The following ZNF562 variants were observed in gnomAD, a reference collection of about 807,000 sequenced individuals.
ZNF562 encodes the protein zinc finger protein 562.
In ZNF562, 13 loss-of-function variants were observed where a neutral mutation model predicts 17.5. That is an observed-to-expected ratio of 0.74 (90% CI 0.48 to 1.18). The LOEUF is 1.18. Ranked by LOEUF, ZNF562 falls within the 50% of genes most tolerant of loss-of-function variation. The pLI is 0.00. For synonymous variants in ZNF562, 163 were observed against 165.4 expected (o/e 0.99, Z 0.11); for missense variants, 481 against 498.5 (o/e 0.96, Z 0.33).
intron 1 of ZNF562, among the ~76,000 whole-genome samples, chr19:9,673,601 CTTT>C (rs2044284693): frequency 6.6e-6 from 1 of 151,862 alleles, no homozygotes; most frequent in African/African-American, 2.4e-5. Flanking sequence ...TCTGGCCTGG[CTTT>C]AAGTAGAAAG....
chr19:9,660,352 C>T (rs2043689862), intron 2 of ZNF562, among the ~76,000 whole-genome samples: 1 of 152,058 alleles, frequency 6.6e-6, no homozygotes, highest in African/African-American at 2.4e-5. Context: ...AGCAGCCAGG[C>T]ACGGTGGCTC....
intron 1 of ZNF562, among the ~76,000 whole-genome samples, chr19:9,672,213 A>T (rs2044221718): frequency 6.6e-6 from 1 of 152,234 alleles, no homozygotes; most frequent in Non-Finnish European, 1.5e-5. Flanking sequence ...CTTAGATCCA[A>T]AAACACCCAA....
At chr19:9,673,926 T>G (rs1439718048) in intron 1 of ZNF562, among the ~76,000 whole-genome samples, 1 of 152,050 alleles carries the variant, frequency 6.6e-6, no homozygotes, top group Non-Finnish European at 1.5e-5. Context: ...TGAATCATGT[T>G]ATAAAGTTTT....
At chr19:9,668,904 A>T (rs1027011308) in intron 1 of ZNF562, among the ~76,000 whole-genome samples, 7 of 152,186 alleles carry the variant, frequency 4.6e-5, no homozygotes, top group African/African-American at 1.7e-4. Context: ...TGCTGGGAAA[A>T]CTGGATAACC....
chr19:9,656,269 G>A (rs550413251), intron 5 of ZNF562, among the ~76,000 whole-genome samples: 2 of 152,276 alleles, frequency 1.3e-5, no homozygotes, highest in African/African-American at 4.8e-5. Flanking sequence ...CAGCACTTTG[G>A]GAGGTCGAGG....
chr19:9,669,732 GCGCACACACACA>G (rs1364020006), intron 1 of ZNF562, among the ~76,000 whole-genome samples: 54 of 76,800 alleles, frequency 7.0e-4, no homozygotes, highest in African/African-American at 2.1e-3. Context: ...GCGCGCGCGC[GCGCACACACACA>G]CACACACACA....
intron 5 of ZNF562, among the ~76,000 whole-genome samples, chr19:9,656,286 G>T (rs1361324829): frequency 1.3e-5 from 2 of 152,194 alleles, no homozygotes; most frequent in Non-Finnish European, 1.5e-5. Flanking sequence ...GAGGCAGATG[G>T]ATCACGAGGT....
chr19:9,656,897 G>A (rs1305429349), intron 4 of ZNF562, among the ~76,000 whole-genome samples: 6 of 136,496 alleles, frequency 4.4e-5, no homozygotes, highest in South Asian at 2.2e-4. Flanking sequence ...TATATTAGCC[G>A]GGCGCGTTGG....
Position 9,642,788 on chromosome 19 carries a change from G to C in ZNF562, c.*10161C>G, listed in dbSNP as rs1047728381. On this transcript the variant is annotated 3_prime_UTR_variant, in exon 6 of 6. Coordinates refer to ENST00000453372, the MANE Select transcript of ZNF562 (RefSeq NM_001130031.2). The stretch of plus-strand genomic sequence containing the variant: ...CAACCCTGTCATCCTAGCATTTTGG[G>C]AGGCTGATGCAGAAGGATAACTTGA... The C allele has an allele frequency of 6.6e-6, 1 of 151,628 alleles. No individual in the cohort carries two copies. The highest frequency in any genetic ancestry group is 2.4e-5 in the African/African-American group (1 of 41,230). The allele number at this position is 151,628 out of a possible 1,614,324, so 9.4% of individuals were successfully genotyped here. A position where few individuals can be genotyped will look rare whatever the true frequency, so the allele number is the denominator to read the frequency against.
intron 5 of ZNF562, 91 bp from the exon 6 acceptor site, chr19:9,653,972 AT>A: frequency 1.5e-6 from 2 of 1,321,888 alleles, no homozygotes; most frequent in Admixed American, 3.1e-5. Context: ...GATGACAATT[AT>A]TTTACTTTTT....
chr19:9,658,242 G>C (rs1183941544), intron 3 of ZNF562, 107 bp from the exon 4 acceptor site: 46 of 1,421,424 alleles, frequency 3.2e-5, no homozygotes, highest in Non-Finnish European at 4.0e-5. Context: ...TGGTTCTCAA[G>C]TCTCCCATGA....
Position 9,649,285 on chromosome 19 carries a change from G to A in ZNF562, c.*3664C>T, listed in dbSNP as rs1163857295. 1 of 152,102 alleles carries A rather than the reference G, an allele frequency of 6.6e-6. No individual in the cohort carries two copies. The highest frequency in any genetic ancestry group is 1.5e-5 in the Non-Finnish European group (1 of 68,020). 9.4% of individuals were successfully genotyped at this position (152,102 alleles called of 1,614,324 possible). On this transcript the variant is annotated 3_prime_UTR_variant, in exon 6 of 6. Coordinates refer to ENST00000453372, the MANE Select transcript of ZNF562 (RefSeq NM_001130031.2). Reference sequence around the variant, plus strand: ...ATTACCTCAGGACCCTGTAATAATTGCATTAACTGCACAAATTATACAGCA... The same window carrying A: ...ATTACCTCAGGACCCTGTAATAATTACATTAACTGCACAAATTATACAGCA...
chr19:9,646,712 G>A lies in ZNF562; in HGVS notation c.*6237C>T, dbSNP rs1483340352. 1.3e-5 allele frequency: 2 copies of A among 149,310 alleles called. No individual in the cohort carries two copies. Among genetic ancestry groups the A allele is most frequent in the African/African-American group, 2.4e-5 (1 of 40,832 alleles). 9.2% of individuals were successfully genotyped at this position (149,310 alleles called of 1,614,324 possible). A position where few individuals can be genotyped will look rare whatever the true frequency, so the allele number is the denominator to read the frequency against. ...AGTATAAATTTTTGCTACACATTTG[G>A]AAATAAAAACATGCCTAGAAGAATA... On this transcript the variant is annotated 3_prime_UTR_variant, in exon 6 of 6. Coordinates refer to ENST00000453372, the MANE Select transcript of ZNF562 (RefSeq NM_001130031.2).
At chr19:9,663,445 C>A (rs1280764560) in intron 1 of ZNF562, among the ~76,000 whole-genome samples, 1 of 151,152 alleles carries the variant, frequency 6.6e-6, no homozygotes, top group Non-Finnish European at 1.5e-5. Context: ...AAAGAAACAG[C>A]CAGAATCACT....
intron 1 of ZNF562, among the ~76,000 whole-genome samples, chr19:9,674,098 G>T (rs1056010522): frequency 1.3e-5 from 2 of 152,218 alleles, no homozygotes; most frequent in South Asian, 4.1e-4. Context: ...GGCCCCTGCC[G>T]CTTTGTCCTT....
intron 1 of ZNF562, chr19:9,674,524 A>AG (rs952025220): frequency 4.6e-5 from 7 of 152,096 alleles, no homozygotes; most frequent in African/African-American, 1.7e-4. Flanking sequence ...CAAAAAAAAA[A>AG]AAAAAGTAAA....
intron 1 of ZNF562, among the ~76,000 whole-genome samples, chr19:9,667,384 T>C (rs2043990270): frequency 1.3e-5 from 2 of 152,180 alleles, no homozygotes; most frequent in Middle Eastern, 6.8e-3. Context: ...ATAAAGGCCA[T>C]ATATGACACA....
chr19:9,669,063 T>A (rs1271560220), intron 1 of ZNF562, among the ~76,000 whole-genome samples: 1 of 152,150 alleles, frequency 6.6e-6, no homozygotes, highest in Non-Finnish European at 1.5e-5. Flanking sequence ...GGTAAAGATT[T>A]CTTGGGAAGA....
rs191773427 is a variant in ZNF562 at position 9,646,027 on chromosome 19, G to A, written c.*6922C>T. The A allele has an allele frequency of 1.0e-4, 15 of 149,936 alleles. No homozygotes were observed. In the East Asian group the frequency reaches 2.5e-3, roughly 25 times the overall value. The allele number at this position is 149,936 out of a possible 1,614,324, so 9.3% of individuals were successfully genotyped here. ...TAATTAAATGTCAGGCACTAAATGTGCAACATAAAAGGATTGTTAATTGGT... is the reference window on the plus strand; with the variant it reads ...TAATTAAATGTCAGGCACTAAATGTACAACATAAAAGGATTGTTAATTGGT... On this transcript the variant is annotated 3_prime_UTR_variant, in exon 6 of 6. Coordinates refer to ENST00000453372, the MANE Select transcript of ZNF562 (RefSeq NM_001130031.2).
Sources: allele counts gnomAD v4.1 joint callset (sites outside exome capture counted in the v4.1 genomes callset), GRCh38; gene constraint gnomAD v4.1.1; transcripts MANE v1.5; gene names NCBI Gene and HGNC (gene_info 2026-07-23, HGNC 2026-07-21).